Variants in COLGALT2 observed in about 807,000 individuals in gnomAD.
The protein encoded by COLGALT2 is collagen beta(1-O)galactosyltransferase 2.
A neutral mutation model predicts 73.4 loss-of-function variants in COLGALT2; 49 were observed. The ratio of observed to expected loss-of-function variants is 0.67; its 90% CI spans 0.53 to 0.85. The LOEUF is 0.85. Among genes scored for constraint, COLGALT2 ranks in the 40% least tolerant of loss-of-function variants. COLGALT2 has a pLI of 0.00. For missense variants in COLGALT2, 722 were observed against 790.2 expected, an observed-to-expected ratio of 0.91 and a Z score of 1.03; for synonymous variants, 295 against 307.6, an observed-to-expected ratio of 0.96 and a Z score of 0.43.
chr1:184,006,329 A>G (rs1217834462), intron 1 of COLGALT2, among the ~76,000 whole-genome samples: 1 of 152,192 alleles, frequency 6.6e-6, no homozygotes, highest in East Asian at 1.9e-4. Context: ...TCAGGCCTGT[A>G]ATCCCAGCTC....
At chr1:184,001,903 C>T (rs1458643013) in intron 1 of COLGALT2, among the ~76,000 whole-genome samples, 3 of 152,210 alleles carry the variant, frequency 2.0e-5, no homozygotes, top group Non-Finnish European at 4.4e-5. Context: ...TTGGGAATAT[C>T]CCACAGGTCT....
intron 1 of COLGALT2, among the ~76,000 whole-genome samples, chr1:183,992,918 A>C (rs768109341): frequency 4.6e-5 from 7 of 152,146 alleles, no homozygotes; most frequent in Non-Finnish European, 8.8e-5. Flanking sequence ...TCAATAATGT[A>C]TTTCTCCTCT....
downstream of COLGALT2, among the ~76,000 whole-genome samples, chr1:183,931,189 C>G (rs1669837455): frequency 6.6e-6 from 1 of 152,172 alleles, no homozygotes; most frequent in Non-Finnish European, 1.5e-5. Context: ...CACACTGGGC[C>G]AGGCACTGAA....
At chr1:183,989,904 C>A (rs1369021798) in intron 1 of COLGALT2, among the ~76,000 whole-genome samples, 1 of 152,212 alleles carries the variant, frequency 6.6e-6, no homozygotes, top group Non-Finnish European at 1.5e-5. Context: ...TTCAAGAACA[C>A]TTTCCTTGAA....
intron 7 of COLGALT2, 93 bp from the exon 8 acceptor site, chr1:183,951,206 A>G (rs766469386): frequency 1.2e-6 from 1 of 857,654 alleles, no homozygotes; most frequent in East Asian, 2.4e-5. Flanking sequence ...TAGATAGAAG[A>G]AGGAGTGGAA....
intron 8 of COLGALT2, chr1:183,945,813 A>G (rs957615295): frequency 4.0e-6 from 2 of 505,210 alleles, no homozygotes; most frequent in African/African-American, 1.9e-5. Flanking sequence ...AAGCATCATC[A>G]GTTTTTTGAC....
chr1:183,973,761 A>G lies in COLGALT2; in HGVS notation c.493-11T>C. On this transcript the variant is annotated splice_polypyrimidine_tract_variant and intron_variant, in intron 3 of 11. Coordinates refer to ENST00000361927, the MANE Select transcript of COLGALT2 (RefSeq NM_015101.4). ...GTCAACATCTATGAACTAGGAAAAG[A>G]AAAGGATAATGTTAGGTGAAAAGGT... The G allele has an allele frequency of 1.9e-6, 3 of 1,612,416 alleles. No homozygotes were observed. The highest frequency in any genetic ancestry group is 2.5e-6 in the Non-Finnish European group (3 of 1,178,908).
At chr1:183,970,746 G>T (rs1194891586) in intron 4 of COLGALT2, among the ~76,000 whole-genome samples, 3 of 152,176 alleles carry the variant, frequency 2.0e-5, no homozygotes, top group Non-Finnish European at 4.4e-5. Flanking sequence ...GCTGCAGAAT[G>T]AATCACATGT....
chr1:183,995,513 A>G (rs1671747183), intron 1 of COLGALT2, among the ~76,000 whole-genome samples: 2 of 152,360 alleles, frequency 1.3e-5, no homozygotes, highest in Admixed American at 6.5e-5. Flanking sequence ...GCTTCCAGAG[A>G]GTTCTTCAAG....
At chr1:183,984,910 G>A (rs1257443834) in intron 1 of COLGALT2, among the ~76,000 whole-genome samples, 4 of 152,160 alleles carry the variant, frequency 2.6e-5, no homozygotes, top group Admixed American at 1.3e-4. Context: ...CAGGTCAACA[G>A]GTGCACTGTC....
At chr1:184,025,846 C>T (rs1926877) in intron 1 of COLGALT2, among the ~76,000 whole-genome samples, 2,015 of 152,204 alleles carry the variant, frequency 0.013, 50 homozygotes, top group African/African-American at 0.044. Context: ...CAGGAAGCAT[C>T]GATTATGCAG....
intron 1 of COLGALT2, among the ~76,000 whole-genome samples, chr1:183,981,344 A>G (rs1365335793): frequency 6.6e-6 from 1 of 152,228 alleles, no homozygotes; most frequent in Non-Finnish European, 1.5e-5. Context: ...GATGATTTAA[A>G]ATAAATTGAA....
intron 8 of COLGALT2, 49 bp downstream of exon 8, chr1:183,950,958 A>C: frequency 7.6e-7 from 1 of 1,324,238 alleles, no homozygotes; most frequent in Non-Finnish European, 1.1e-6. Context: ...CAGAGAAGAC[A>C]CATCCACACT....
intron 1 of COLGALT2, among the ~76,000 whole-genome samples, chr1:183,996,380 T>C (rs1671771391): frequency 6.6e-6 from 1 of 152,226 alleles, no homozygotes; most frequent in South Asian, 2.1e-4. Context: ...TTTAAAGGTG[T>C]AGACAGTGAT....
intron 1 of COLGALT2, among the ~76,000 whole-genome samples, chr1:183,992,689 A>G (rs1671662071): frequency 6.6e-6 from 1 of 152,208 alleles, no homozygotes; most frequent in Non-Finnish European, 1.5e-5. Flanking sequence ...AGTTGAAAGG[A>G]TGCCTGATGC....
chr1:184,007,196 T>TA (rs1409053920), intron 1 of COLGALT2, among the ~76,000 whole-genome samples: 1 of 152,300 alleles, frequency 6.6e-6, no homozygotes, highest in East Asian at 1.9e-4. Context: ...GCACAGGGAA[T>TA]AACACCATGT....
chr1:184,011,943 T>C (rs983286610), intron 1 of COLGALT2, among the ~76,000 whole-genome samples: 2 of 152,206 alleles, frequency 1.3e-5, no homozygotes, highest in African/African-American at 4.8e-5. Flanking sequence ...TAATTCATAA[T>C]TGTGTAATCT....
In COLGALT2 at chr1:183,971,344, C is replaced by T. The variant is rs370339849; in HGVS notation, c.628-1871G>A. 3.9e-5 allele frequency among the ~76,000 whole-genome samples: 6 copies of T among 152,230 alleles called. No individual in the cohort carries two copies. In the South Asian group the frequency reaches 1.2e-3, roughly 32 times the overall value. ...ATAAATGGAGGAAAATAATACTTGT[C>T]CCTAAGTTGCTCAGAATTTAGTTTT... On this transcript the variant is annotated intron_variant, in intron 4 of 11. Coordinates refer to ENST00000361927, the MANE Select transcript of COLGALT2 (RefSeq NM_015101.4).
At chr1:184,037,025 G>A in intron 1 of COLGALT2, 70 bp downstream of exon 1, 2 of 1,265,890 alleles carry the variant, frequency 1.6e-6, no homozygotes, top group Non-Finnish European at 2.0e-6. Flanking sequence ...CTGCTGCTCC[G>A]GGCGCTGTCC....
Sources: gnomAD v4.1 joint callset for allele counts (sites outside exome capture counted in the v4.1 genomes callset) on GRCh38, gnomAD v4.1.1 for gene constraint, MANE v1.5 for transcripts, NCBI Gene and HGNC (gene_info 2026-07-23, HGNC 2026-07-21) for gene names.